The following COL5A2 variants were observed in gnomAD, a reference collection of about 807,000 sequenced individuals.
COL5A2 encodes collagen type V alpha 2 chain, also known as collagen alpha-2(V) chain.
COL5A2 carries 23 observed loss-of-function variants against 208.2 expected under a neutral mutation model. The ratio of observed to expected loss-of-function variants is 0.11; its 90% confidence interval spans 0.08 to 0.16. COL5A2 has a LOEUF of 0.16. COL5A2 is among the 10% of genes least tolerant of loss of function. The probability of loss-of-function intolerance (pLI) is 1.00; values close to 1 mark genes in which losing one functional copy is unlikely to be tolerated. For missense variants in COL5A2, 1,590 were observed against 1,956.4 expected (o/e 0.81, Z 3.53); for synonymous variants, 625 against 628.5 (o/e 0.99, Z 0.08).
the COL5A2 span, among the ~76,000 whole-genome samples, chr2:189,316,580 G>A: frequency 6.6e-6 from 1 of 151,938 alleles, no homozygotes; most frequent in Non-Finnish European, 1.5e-5. Flanking sequence ...CACAAACTGG[G>A]GTCCTTCAGA....
At chr2:189,324,131 G>A in the COL5A2 span, among the ~76,000 whole-genome samples, 2 of 152,176 alleles carry the variant, frequency 1.3e-5, no homozygotes, top group African/African-American at 4.8e-5. Context: ...GTAGAAAGCT[G>A]AAACTGGATC....
chr2:189,428,499 T>A, the COL5A2 span, among the ~76,000 whole-genome samples: 1 of 152,088 alleles, frequency 6.6e-6, no homozygotes, highest in Non-Finnish European at 1.5e-5. Flanking sequence ...GCACCTGTAG[T>A]CCCAGCTATT....
intron 7 of COL5A2, among the ~76,000 whole-genome samples, chr2:189,091,777 T>C (rs1559099673): frequency 6.6e-6 from 1 of 152,198 alleles, no homozygotes; most frequent in Non-Finnish European, 1.5e-5. Flanking sequence ...ATCCCCTATG[T>C]CTGACATTAA....
the COL5A2 span, among the ~76,000 whole-genome samples, chr2:189,310,679 A>G: frequency 6.6e-6 from 1 of 152,172 alleles, no homozygotes; most frequent in Non-Finnish European, 1.5e-5. Context: ...CTAAGTGACT[A>G]TCAATAGATG....
chr2:189,356,781 C>T, the COL5A2 span, among the ~76,000 whole-genome samples: 2 of 152,186 alleles, frequency 1.3e-5, no homozygotes, highest in East Asian at 1.9e-4. Context: ...CCCTTGCTGG[C>T]GAGGAGTTGT....
the COL5A2 span, among the ~76,000 whole-genome samples, chr2:189,281,136 T>G: frequency 2.6e-5 from 4 of 152,102 alleles, no homozygotes; most frequent in African/African-American, 7.2e-5. Context: ...TTTAAAAAAT[T>G]CTATGAGATT....
At chr2:189,377,112 CT>C in the COL5A2 span, among the ~76,000 whole-genome samples, 3 of 152,268 alleles carry the variant, frequency 2.0e-5, no homozygotes, top group African/African-American at 7.2e-5. Context: ...TACTTTCTAC[CT>C]TGCTTCCACC....
chr2:189,237,195 C>T, the COL5A2 span, among the ~76,000 whole-genome samples: 2 of 151,632 alleles, frequency 1.3e-5, no homozygotes, highest in African/African-American at 4.8e-5. Flanking sequence ...TAATAATTTC[C>T]TATTCCAGTT....
At chr2:189,266,711 A>T in the COL5A2 span, among the ~76,000 whole-genome samples, 1 of 151,866 alleles carries the variant, frequency 6.6e-6, no homozygotes. Context: ...GGATGCTTGA[A>T]CTCTGTGAAT....
the COL5A2 span, among the ~76,000 whole-genome samples, chr2:189,322,890 A>G: frequency 1.3e-5 from 2 of 152,230 alleles, no homozygotes; most frequent in Non-Finnish European, 2.9e-5. Flanking sequence ...ATTTTAGACC[A>G]ATATCCCTGA....
intron 1 of COL5A2, among the ~76,000 whole-genome samples, chr2:189,199,372 A>G (rs1172697577): frequency 1.3e-5 from 2 of 152,230 alleles, no homozygotes; most frequent in African/African-American, 2.4e-5. Flanking sequence ...TCACAAAGGT[A>G]TAATACCTTT....
chr2:189,428,626 AAT>A, the COL5A2 span, among the ~76,000 whole-genome samples: 3 of 152,014 alleles, frequency 2.0e-5, no homozygotes, highest in African/African-American at 7.3e-5. Context: ...TGAAAAAAAA[AAT>A]AAAAAAGTAT....
At chr2:189,223,278 A>T (rs934891740) in intron 1 of COL5A2, among the ~76,000 whole-genome samples, 8 of 152,154 alleles carry the variant, frequency 5.3e-5, no homozygotes, top group Non-Finnish European at 1.2e-4. Flanking sequence ...CACTTATAAG[A>T]GTTAATGCAA....
intron 1 of COL5A2, among the ~76,000 whole-genome samples, chr2:189,165,604 T>C (rs1010356100): frequency 2.0e-5 from 3 of 152,192 alleles, no homozygotes; most frequent in African/African-American, 7.2e-5. Context: ...TTAATTTAAC[T>C]CCTCAATATG....
At chr2:189,291,974 TC>T in the COL5A2 span, among the ~76,000 whole-genome samples, 1 of 152,174 alleles carries the variant, frequency 6.6e-6, no homozygotes, top group Non-Finnish European at 1.5e-5. Flanking sequence ...ATCCATGCAC[TC>T]ATTTTATTAT....
chr2:189,267,611 T>C, the COL5A2 span, among the ~76,000 whole-genome samples: 1 of 152,154 alleles, frequency 6.6e-6, no homozygotes, highest in Non-Finnish European at 1.5e-5. Flanking sequence ...AATTGGGGAA[T>C]GAGGATACTG....
At chr2:189,046,814 T>TG (rs1685677879) in intron 45 of COL5A2, among the ~76,000 whole-genome samples, 1 of 149,390 alleles carries the variant, frequency 6.7e-6, no homozygotes, top group Non-Finnish European at 1.5e-5. Flanking sequence ...TTCAAGGTTT[T>TG]GAAAAAAAAA....
chr2:189,114,250 GA>G (rs1357200560), intron 1 of COL5A2, among the ~76,000 whole-genome samples: 3 of 152,134 alleles, frequency 2.0e-5, no homozygotes, highest in Admixed American at 6.5e-5. Flanking sequence ...AAAACTCAGT[GA>G]ACTCTCATTG....
At chr2:189,144,432 T>G (rs1270800159) in intron 1 of COL5A2, among the ~76,000 whole-genome samples, 1 of 152,118 alleles carries the variant, frequency 6.6e-6, no homozygotes, top group East Asian at 1.9e-4. Context: ...TGTGTTTGTA[T>G]AGTCATGTAT....
Sources: allele counts gnomAD v4.1 joint callset (sites outside exome capture counted in the v4.1 genomes callset), GRCh38; gene constraint gnomAD v4.1.1; transcripts MANE v1.5; gene names NCBI Gene and HGNC (gene_info 2026-07-23, HGNC 2026-07-21).